The following GC variants were observed in gnomAD, a reference collection of about 807,000 sequenced individuals.
GC encodes the protein vitamin D-binding protein.
A neutral mutation model predicts 56.7 loss-of-function variants in GC; 43 were observed. That is an observed-to-expected ratio of 0.76 (90% CI 0.59 to 0.98). The LOEUF is 0.98. Among genes scored for constraint, GC ranks in the 50% least tolerant of loss-of-function variants. The pLI is 0.00. For synonymous variants in GC, 216 were observed against 202.7 expected (o/e 1.07, Z -0.56); for missense variants, 529 against 545.9 (o/e 0.97, Z 0.31).
intron 6 of GC, among the ~76,000 whole-genome samples, chr4:71,762,854 T>C (rs911335400): frequency 6.6e-6 from 1 of 152,210 alleles, no homozygotes; most frequent in Non-Finnish European, 1.5e-5. Flanking sequence ...GTTAGTCCAA[T>C]TAAACCTCTT....
chr4:71,768,273 A>G, intron 3 of GC, 28 bp downstream of exon 3: 1 of 1,549,586 alleles, frequency 6.5e-7, no homozygotes, highest in Non-Finnish European at 8.7e-7. Context: ...CTGGGCTGCC[A>G]CAGAGACGGC....
intron 1 of GC, among the ~76,000 whole-genome samples, chr4:71,790,730 T>C (rs1377265064): frequency 1.3e-5 from 2 of 151,732 alleles, no homozygotes; most frequent in African/African-American, 4.8e-5. Flanking sequence ...TGGTTTTTCA[T>C]CCTACACTTT....
upstream of GC, among the ~76,000 whole-genome samples, chr4:71,787,241 T>C (rs1742862790): frequency 1.3e-5 from 2 of 151,888 alleles, no homozygotes; most frequent in South Asian, 4.1e-4. Context: ...CCAATGCCTG[T>C]GCTTAAAGTT....
intron 1 of GC, among the ~76,000 whole-genome samples, chr4:71,791,764 C>A (rs1332177713): frequency 6.6e-6 from 1 of 151,872 alleles, no homozygotes; most frequent in African/African-American, 2.4e-5. Context: ...TTTGCTGCAC[C>A]CATCAACTTG....
chr4:71,749,460 C>T (rs901831670), intron 11 of GC, among the ~76,000 whole-genome samples: 4 of 152,140 alleles, frequency 2.6e-5, no homozygotes, highest in African/African-American at 9.7e-5. Context: ...AACAAAGGGA[C>T]AGGGAAAGGT....
At chr4:71,749,881 A>G (rs537943765) in intron 11 of GC, among the ~76,000 whole-genome samples, 22 of 152,300 alleles carry the variant, frequency 1.4e-4, no homozygotes, top group Non-Finnish European at 2.2e-4. Flanking sequence ...ATAAATTGTT[A>G]CAAACAAGAT....
chr4:71,752,906 C>G (rs1741603497), intron 10 of GC, among the ~76,000 whole-genome samples: 1 of 152,130 alleles, frequency 6.6e-6, no homozygotes, highest in Admixed American at 6.5e-5. Flanking sequence ...TTCATTTGCT[C>G]ATTATTTCAA....
intron 1 of GC, 32 bp from the exon 2 acceptor site, chr4:71,769,432 G>A (rs1215109392): frequency 1.4e-6 from 2 of 1,398,180 alleles, no homozygotes; most frequent in Middle Eastern, 3.5e-4. Context: ...ATTTGTATGT[G>A]TCCCCTTTTG....
chr4:71,756,806 A>T lies in GC; in HGVS notation c.940T>A (p.Phe314Ile). Residue 314 changes from phenylalanine to isoleucine, a missense_variant, in exon 8 of 13, where the codon TTC becomes ATC. Physicochemically the swap from Phe to Ile is conservative, Grantham distance 21. Transcript: ENST00000273951. The part of the protein sequence containing the change: ...TAMDVFVCTY[F>I]MPAAQLPELP... ...TCGGGGAGTTGGGCAGCTGGCATGA[A>T]GTAAGTGCACACAAAAACGTCCATG... The T allele has an allele frequency of 1.2e-6, 2 of 1,613,498 alleles. No homozygotes were observed. Among genetic ancestry groups the T allele is most frequent in the Non-Finnish European group, 1.7e-6 (2 of 1,179,454 alleles).
intron 1 of GC, among the ~76,000 whole-genome samples, chr4:71,774,860 CT>C (rs1274920467): frequency 2.1e-5 from 3 of 145,716 alleles, no homozygotes; most frequent in African/African-American, 8.4e-5. Context: ...TAACATATAA[CT>C]TTTTGAGTAC....
At chr4:71,786,668 G>C (rs1742847322), upstream of GC, among the ~76,000 whole-genome samples, 1 of 151,770 alleles carries the variant, frequency 6.6e-6, no homozygotes, top group South Asian at 2.1e-4. Context: ...TTGTGAGGCA[G>C]ATAAAGCCTG....
At chr4:71,783,878 C>T in intron 1 of GC, 83 bp downstream of exon 1, 1 of 1,059,872 alleles carries the variant, frequency 9.4e-7, no homozygotes, top group East Asian at 2.8e-5. Context: ...CTGTTTCTTA[C>T]TTTTTATTTC....
chr4:71,752,339 G>A (rs1486770763), intron 11 of GC, among the ~76,000 whole-genome samples, 179 bp downstream of exon 11: 1 of 152,168 alleles, frequency 6.6e-6, no homozygotes, highest in East Asian at 1.9e-4. Flanking sequence ...TTTTAAATGA[G>A]CATAGCATGA....
intron 12 of GC, 73 bp downstream of exon 12, chr4:71,746,077 TC>T: frequency 1.4e-6 from 1 of 714,154 alleles, no homozygotes; most frequent in Non-Finnish European, 2.5e-6. Context: ...AAAGTCTCCT[TC>T]CCATTCTTTG....
At chr4:71,747,426 T>C (rs1330856533) in intron 11 of GC, among the ~76,000 whole-genome samples, 1 of 151,846 alleles carries the variant, frequency 6.6e-6, no homozygotes, top group Non-Finnish European at 1.5e-5. Flanking sequence ...GAGGACAATA[T>C]GAAATAGAAC....
intron 1 of GC, among the ~76,000 whole-genome samples, chr4:71,789,637 C>T (rs1430949320): frequency 2.0e-5 from 3 of 151,796 alleles, no homozygotes; most frequent in East Asian, 1.9e-4. Flanking sequence ...GAATAATGGC[C>T]GACCAAAGTT....
chr4:71,752,064 C>T (rs982141979), intron 11 of GC, among the ~76,000 whole-genome samples: 1 of 151,830 alleles, frequency 6.6e-6, no homozygotes, highest in Non-Finnish European at 1.5e-5. Flanking sequence ...ATCAATCTAC[C>T]TGCCTATATA....
At chr4:71,759,241 T>A (rs1741886700) in intron 6 of GC, among the ~76,000 whole-genome samples, 2 of 152,214 alleles carry the variant, frequency 1.3e-5, no homozygotes, top group African/African-American at 4.8e-5. Flanking sequence ...AATTCTGCAG[T>A]GAACATGGAA....
In GC at chr4:71,752,528, C is replaced by T. The variant is rs558979480; in HGVS notation, c.1385G>A (p.Cys462Tyr). The change falls in exon 11 of 13, where the codon TGT becomes TAT. Residue 462 changes from cysteine (C) to tyrosine (Y), a missense_variant. Coordinates refer to ENST00000273951, the MANE Select transcript of GC (RefSeq NM_000583.4). Reference protein sequence around the residue: ...CCSINSPPLYCDSEIDAELKN... With the variant: ...CCSINSPPLYYDSEIDAELKN... Reference sequence around the variant, plus strand: ...GTTACATTTTCCTACCTCTGAATCACAGTAAAGAGGAGGTGAGTTTATGGA... The same window carrying T: ...GTTACATTTTCCTACCTCTGAATCATAGTAAAGAGGAGGTGAGTTTATGGA... The T allele has an allele frequency of 4.3e-6, 7 of 1,611,974 alleles. No homozygotes were observed. The East Asian group carries it at 1.6e-4, about 36-fold the overall frequency.
Sources: allele counts gnomAD v4.1 joint callset (sites outside exome capture counted in the v4.1 genomes callset), GRCh38; gene constraint gnomAD v4.1.1; transcripts MANE v1.5; gene names NCBI Gene and HGNC (gene_info 2026-07-23, HGNC 2026-07-21).